Variants in PALLD observed in about 807,000 individuals in gnomAD.
PALLD encodes palladin.
A neutral mutation model predicts 123.5 loss-of-function variants in PALLD; 61 were observed. That is an observed-to-expected ratio of 0.49 (90% CI 0.40 to 0.61). The LOEUF is 0.61. Ranked by LOEUF, PALLD falls within the 20% of genes least tolerant of loss-of-function variation. PALLD has a pLI of 0.00. For missense variants in PALLD, 1,273 were observed against 1,377.0 expected (o/e 0.92, Z 1.20); for synonymous variants, 465 against 496.4 (o/e 0.94, Z 0.84).
At chr4:168,583,849 C>T (rs1181004338) in intron 2 of PALLD, among the ~76,000 whole-genome samples, 4 of 152,080 alleles carry the variant, frequency 2.6e-5, no homozygotes, top group East Asian at 1.9e-4. Context: ...TACTTTCCTT[C>T]GATATCTTTT....
chr4:168,600,199 T>C (rs1015567899), intron 2 of PALLD, among the ~76,000 whole-genome samples: 23 of 152,300 alleles, frequency 1.5e-4, no homozygotes, highest in Non-Finnish European at 3.1e-4. Context: ...GGTGTGCGTG[T>C]GTGTGTATTA....
intron 2 of PALLD, among the ~76,000 whole-genome samples, chr4:168,642,249 T>C (rs1777034342): frequency 6.6e-6 from 1 of 152,136 alleles, no homozygotes; most frequent in Non-Finnish European, 1.5e-5. Flanking sequence ...GAAAAAAAGT[T>C]TTTAGACTGA....
chr4:168,915,295 T>C (rs1168424904), intron 16 of PALLD, among the ~76,000 whole-genome samples: 2 of 152,216 alleles, frequency 1.3e-5, no homozygotes, highest in African/African-American at 2.4e-5. Context: ...TGTATTCCTC[T>C]TAAAGGTTTC....
At chr4:168,655,679 C>G (rs1265396688) in intron 2 of PALLD, among the ~76,000 whole-genome samples, 2 of 152,210 alleles carry the variant, frequency 1.3e-5, no homozygotes, top group Non-Finnish European at 2.9e-5. Flanking sequence ...CATTCTCAAT[C>G]TCTTCTTCCA....
At chr4:168,751,729 A>T (rs1031769120) in intron 10 of PALLD, among the ~76,000 whole-genome samples, 2 of 152,152 alleles carry the variant, frequency 1.3e-5, no homozygotes, top group African/African-American at 4.8e-5. Context: ...TAGGACAGTA[A>T]CCTGCTAGCA....
intron 10 of PALLD, among the ~76,000 whole-genome samples, chr4:168,889,301 C>A (rs1392894383): frequency 6.6e-6 from 1 of 151,488 alleles, no homozygotes. Flanking sequence ...GTAGCTGGGA[C>A]TACAGGCGCC....
chr4:168,841,345 G>A (rs1746008538), intron 10 of PALLD, among the ~76,000 whole-genome samples: 1 of 152,214 alleles, frequency 6.6e-6, no homozygotes, highest in Admixed American at 6.5e-5. Context: ...CTTAAGCACA[G>A]ATGGCAAATC....
At chr4:168,889,452 C>T (rs1345642175) in intron 10 of PALLD, among the ~76,000 whole-genome samples, 1 of 152,088 alleles carries the variant, frequency 6.6e-6, no homozygotes, top group Non-Finnish European at 1.5e-5. Context: ...GCGTGAGCCA[C>T]CACACCCGGC....
chr4:168,689,432 C>CTTTTTTTTTTTTTTT (rs70961551), intron 6 of PALLD, among the ~76,000 whole-genome samples: 5 of 49,858 alleles, frequency 1.0e-4, no homozygotes, highest in South Asian at 1.0e-3. Flanking sequence ...ATCCAATATT[C>CTTTTTTTTTTTTTTT]TTTTTTTTTT....
At chr4:168,728,682 G>A (rs973865510) in intron 10 of PALLD, among the ~76,000 whole-genome samples, 3 of 151,928 alleles carry the variant, frequency 2.0e-5, no homozygotes, top group African/African-American at 7.3e-5. Flanking sequence ...TTTCCTTTTG[G>A]ATGCCTTTTA....
chr4:168,671,956 G>A (rs545140118), intron 3 of PALLD, among the ~76,000 whole-genome samples: 4 of 152,240 alleles, frequency 2.6e-5, no homozygotes, highest in South Asian at 2.1e-4. Flanking sequence ...TGTCCCATGC[G>A]TCAAGTTTTA....
chr4:168,788,239 AT>A (rs1490412816), intron 10 of PALLD, among the ~76,000 whole-genome samples: 2 of 26,572 alleles, frequency 7.5e-5, no homozygotes, highest in African/African-American at 3.9e-4. Context: ...TTTGAACTGG[AT>A]CTTTCCTTAG....
chr4:168,782,996 A>C (rs892843366), intron 10 of PALLD, among the ~76,000 whole-genome samples: 9 of 151,772 alleles, frequency 5.9e-5, no homozygotes, highest in Non-Finnish European at 8.8e-5. Context: ...TAGTTTGCCA[A>C]CCCCTAGTCT....
intron 10 of PALLD, among the ~76,000 whole-genome samples, chr4:168,811,771 C>CTA (rs1741173711): frequency 1.0e-5 from 1 of 99,726 alleles, no homozygotes; most frequent in East Asian, 2.5e-4. Context: ...CTCTCTCTCT[C>CTA]TCTCTCACAC....
chr4:168,710,715 C>G (rs1294789179), intron 9 of PALLD, among the ~76,000 whole-genome samples: 1 of 152,154 alleles, frequency 6.6e-6, no homozygotes, highest in African/African-American at 2.4e-5. Flanking sequence ...AAAGAGGACC[C>G]CAGCGTTTTG....
intron 2 of PALLD, chr4:168,598,232 A>G: frequency 2.6e-6 from 1 of 387,092 alleles, no homozygotes; most frequent in African/African-American, 2.2e-5. Context: ...CAAACACCAG[A>G]AAAAAATTTA....
chr4:168,700,504 T>A (rs917815329), intron 8 of PALLD: 3 of 152,210 alleles, frequency 2.0e-5, no homozygotes, highest in Non-Finnish European at 4.4e-5. Context: ...GGAAAATTGG[T>A]CTTACTGAGA....
chr4:168,551,875 G>A (rs1766771231), intron 2 of PALLD, among the ~76,000 whole-genome samples: 1 of 152,088 alleles, frequency 6.6e-6, no homozygotes, highest in South Asian at 2.1e-4. Flanking sequence ...TGATTTGGAA[G>A]AGAAAATTCA....
In PALLD at chr4:168,820,702, A is replaced by G. The variant is rs557005365; in HGVS notation, c.1965-70220A>G. ...CCTAAAGTATCCCAAGCAGATGACA[A>G]TTCTCTTGACTATGACCAAAGGTAT... On this transcript the variant is annotated intron_variant, in intron 10 of 21. Transcript: ENST00000505667. Among the ~76,000 whole-genome samples the G allele has an allele frequency of 7.2e-5, 11 of 152,116 alleles. No individual in the cohort carries two copies. The East Asian group carries it at 1.6e-3, about 21-fold the overall frequency.
Sources: gnomAD v4.1 joint callset for allele counts (sites outside exome capture counted in the v4.1 genomes callset) on GRCh38, gnomAD v4.1.1 for gene constraint, MANE v1.5 for transcripts, NCBI Gene and HGNC (gene_info 2026-07-23, HGNC 2026-07-21) for gene names.